The following ASAH2 variants were observed in gnomAD, a reference collection of about 807,000 sequenced individuals.
ASAH2 encodes the protein N-acylsphingosine amidohydrolase 2.
ASAH2 carries 58 observed loss-of-function variants against 82.9 expected under a neutral mutation model. The observed-to-expected ratio is 0.70, with a 90% CI of 0.57 to 0.87. The LOEUF is 0.87. Among genes scored for constraint, ASAH2 ranks in the 40% least tolerant of loss-of-function variants. The pLI, the probability that ASAH2 is intolerant of heterozygous loss-of-function variation, is 0.00. For synonymous variants in ASAH2, 276 were observed against 289.7 expected, an observed-to-expected ratio of 0.95 and a Z score of 0.48; for missense variants, 779 against 834.0, an observed-to-expected ratio of 0.93 and a Z score of 0.81.
intron 4 of ASAH2, among the ~76,000 whole-genome samples, chr10:50,240,256 C>T (rs1846262404): frequency 1.3e-5 from 2 of 152,138 alleles, no homozygotes; most frequent in Admixed American, 6.5e-5. Flanking sequence ...AATAAAAACC[C>T]TTCCAGCAAC....
chr10:50,201,348 G>A (rs1479724387), intron 16 of ASAH2, among the ~76,000 whole-genome samples: 1 of 152,072 alleles, frequency 6.6e-6, no homozygotes, highest in Non-Finnish European at 1.5e-5. Flanking sequence ...AGCTAAAAAA[G>A]TGCACTGTAT....
chr10:50,249,599 T>C (rs1252362143), intron 1 of ASAH2, among the ~76,000 whole-genome samples: 2 of 152,262 alleles, frequency 1.3e-5, no homozygotes, highest in Admixed American at 6.5e-5. Flanking sequence ...AATATGATTA[T>C]GATCATCTTA....
At chr10:50,231,317 T>A (rs1846017273) in intron 7 of ASAH2, among the ~76,000 whole-genome samples, 1 of 152,114 alleles carries the variant, frequency 6.6e-6, no homozygotes, top group Admixed American at 6.6e-5. Context: ...TCTGGCCTTA[T>A]GGCTCTGTAT....
chr10:50,233,503 A>G (rs1197110698), intron 6 of ASAH2, among the ~76,000 whole-genome samples: 6 of 152,164 alleles, frequency 3.9e-5, no homozygotes, highest in Non-Finnish European at 5.9e-5. Flanking sequence ...ACATATTTTT[A>G]TATAACATAC....
chr10:50,227,079 A>G (rs1845905759), intron 7 of ASAH2, among the ~76,000 whole-genome samples: 2 of 152,198 alleles, frequency 1.3e-5, no homozygotes, highest in Non-Finnish European at 2.9e-5. Context: ...TTCAGATATA[A>G]TAATCACAAT....
intron 7 of ASAH2, among the ~76,000 whole-genome samples, 156 bp downstream of exon 7, chr10:50,233,028 T>A (rs925839513): frequency 1.3e-5 from 2 of 152,128 alleles, no homozygotes; most frequent in Non-Finnish European, 2.9e-5. Context: ...TACAAGGCCC[T>A]TGGCTGGACC....
intron 8 of ASAH2, among the ~76,000 whole-genome samples, chr10:50,216,322 C>G (rs1423723845): frequency 8.7e-5 from 13 of 148,788 alleles, no homozygotes; most frequent in Admixed American, 7.4e-4. Context: ...AAAAAAAATC[C>G]AGAAAAAAAT....
intron 14 of ASAH2, among the ~76,000 whole-genome samples, chr10:50,204,012 A>G (rs1402183327): frequency 6.6e-6 from 1 of 152,028 alleles, no homozygotes. Context: ...TAGGTAGAAA[A>G]TACATTACTG....
Position 50,201,844 on chromosome 10 carries a change from G to A in ASAH2, c.1761+985C>T, listed in dbSNP as rs1845157882. On this transcript the variant is annotated intron_variant, in intron 16 of 20. Coordinates refer to ENST00000682911, the MANE Select transcript of ASAH2 (RefSeq NM_019893.4). ...CTATTGAATAACAAGATATATCTGTGGATCTAATAACTATTGTGATTATAA... is the reference window on the plus strand; with the variant it reads ...CTATTGAATAACAAGATATATCTGTAGATCTAATAACTATTGTGATTATAA... 2.0e-5 allele frequency among the ~76,000 whole-genome samples: 3 copies of A among 152,160 alleles called. No homozygotes were observed. In the South Asian group the frequency reaches 6.2e-4, roughly 32 times the overall value.
Position 50,211,025 on chromosome 10 carries a change from C to T in ASAH2, c.1332+5G>A. ...GCATAACCAGTGTGTCTCAGCAGCACTTACTGCATGTGTGGAATTGAGCCA... is the reference window on the plus strand; with the variant it reads ...GCATAACCAGTGTGTCTCAGCAGCATTTACTGCATGTGTGGAATTGAGCCA... On this transcript the variant is annotated splice_donor_5th_base_variant and intron_variant, in intron 11 of 20. Coordinates refer to ENST00000682911, the MANE Select transcript of ASAH2 (RefSeq NM_019893.4). 1 of 1,612,672 alleles carries T rather than the reference C, an allele frequency of 6.2e-7. No individual in the cohort carries two copies. The highest frequency in any genetic ancestry group is 8.5e-7 in the Non-Finnish European group (1 of 1,178,794).
intron 4 of ASAH2, among the ~76,000 whole-genome samples, chr10:50,236,367 G>A (rs1194799222): frequency 1.3e-5 from 2 of 152,044 alleles, no homozygotes; most frequent in African/African-American, 4.8e-5. Context: ...AGGGGGGAAA[G>A]CCCCTTATAA....
chr10:50,195,335 TACA>T (rs1205167130), intron 18 of ASAH2, among the ~76,000 whole-genome samples: 4 of 150,736 alleles, frequency 2.7e-5, no homozygotes, highest in African/African-American at 9.8e-5. Context: ...AAATTAAAAC[TACA>T]ACAAGATATC....
intron 15 of ASAH2, 27 bp downstream of exon 15, chr10:50,203,613 A>G: frequency 6.3e-7 from 1 of 1,597,446 alleles, no homozygotes; most frequent in South Asian, 1.1e-5. Context: ...ATGAACATGT[A>G]GATATGTTAT....
intron 3 of ASAH2, among the ~76,000 whole-genome samples, chr10:50,244,821 T>C (rs568577387): frequency 8.4e-4 from 126 of 150,694 alleles, no homozygotes; most frequent in Non-Finnish European, 1.4e-3. Flanking sequence ...TCAGCTAGAT[T>C]CATGTACTTT....
chr10:50,205,927 A>C (rs1845281444), intron 13 of ASAH2, 55 bp downstream of exon 13: 1 of 1,308,482 alleles, frequency 7.6e-7, no homozygotes, highest in Non-Finnish European at 1.1e-6. Context: ...CTGACAGTTC[A>C]CATATTTAAA....
chr10:50,205,716 T>C (rs1845274905), intron 13 of ASAH2, among the ~76,000 whole-genome samples: 1 of 152,028 alleles, frequency 6.6e-6, no homozygotes, highest in Non-Finnish European at 1.5e-5. Context: ...CTGAGTAAGA[T>C]AAATGTTCAT....
At chr10:50,245,153 G>T in intron 3 of ASAH2, 69 bp downstream of exon 3, 2 of 1,265,876 alleles carry the variant, frequency 1.6e-6, no homozygotes, top group Non-Finnish European at 2.3e-6. Context: ...AATCAGAAAT[G>T]AATGCAGGTT....
chr10:50,212,876 G>C, intron 10 of ASAH2, 96 bp downstream of exon 10: 1 of 1,256,952 alleles, frequency 8.0e-7, no homozygotes, highest in Non-Finnish European at 1.2e-6. Context: ...AGCATTTGCT[G>C]TTTTCTTTAA....
intron 1 of ASAH2, 36 bp from the exon 2 acceptor site, chr10:50,248,682 G>A (rs1370172442): frequency 2.0e-6 from 3 of 1,490,076 alleles, no homozygotes; most frequent in Admixed American, 2.0e-5. Context: ...AAATGCAAAT[G>A]CTTTAAGCCA....
Sources: gnomAD v4.1 joint callset for allele counts (sites outside exome capture counted in the v4.1 genomes callset) on GRCh38, gnomAD v4.1.1 for gene constraint, MANE v1.5 for transcripts, NCBI Gene and HGNC (gene_info 2026-07-23, HGNC 2026-07-21) for gene names.